The following MCC variants were observed in gnomAD, a reference collection of about 807,000 sequenced individuals.
MCC encodes MCC regulator of Wnt signaling pathway.
Under a neutral mutation model 116.2 loss-of-function variants are expected in MCC, and 90 were observed. That is an observed-to-expected ratio of 0.77 (90% CI 0.65 to 0.92). MCC has a LOEUF of 0.92. Among genes scored for constraint, MCC ranks in the 40% least tolerant of loss-of-function variants. The probability of loss-of-function intolerance (pLI) is 0.00; values close to 1 mark genes in which losing one functional copy is unlikely to be tolerated. For missense variants in MCC, 1,516 were observed against 1,312.2 expected (o/e 1.16, Z -2.40); for synonymous variants, 578 against 510.5 (o/e 1.13, Z -1.78).
intron 1 of MCC, among the ~76,000 whole-genome samples, chr5:113,401,012 G>A (rs1469944369): frequency 6.6e-6 from 1 of 152,220 alleles, no homozygotes; most frequent in African/African-American, 2.4e-5. Context: ...ATGTCTGAAA[G>A]ATATAGAAAG....
chr5:113,263,058 C>G, intron 3 of MCC, among the ~76,000 whole-genome samples: 1 of 152,156 alleles, frequency 6.6e-6, no homozygotes, highest in East Asian at 1.9e-4. Context: ...ACCCTACCAT[C>G]CTGGCAGAGA....
At chr5:113,418,683 C>T (rs1770228849) in intron 1 of MCC, among the ~76,000 whole-genome samples, 1 of 149,242 alleles carries the variant, frequency 6.7e-6, no homozygotes, top group African/African-American at 2.4e-5. Context: ...AAATCTTCAT[C>T]ATTATTATCA....
chr5:113,408,846 T>C (rs1012302475), intron 1 of MCC, among the ~76,000 whole-genome samples: 3 of 152,318 alleles, frequency 2.0e-5, no homozygotes, highest in African/African-American at 4.8e-5. Context: ...TGGATGAACA[T>C]GTACCAGGCT....
chr5:113,420,832 T>C (rs995663098), intron 1 of MCC, among the ~76,000 whole-genome samples: 4 of 152,190 alleles, frequency 2.6e-5, no homozygotes, highest in Admixed American at 6.5e-5. Context: ...ACTTTTTTCC[T>C]GCTTAACTGC....
At chr5:113,219,311 C>T (rs768579703) in intron 3 of MCC, among the ~76,000 whole-genome samples, 2 of 152,188 alleles carry the variant, frequency 1.3e-5, no homozygotes, top group African/African-American at 4.8e-5. Flanking sequence ...GGAAACGGCC[C>T]TTGGCAATGA....
intron 3 of MCC, among the ~76,000 whole-genome samples, chr5:113,219,366 T>C (rs1400707813): frequency 1.3e-5 from 2 of 152,238 alleles, no homozygotes; most frequent in East Asian, 3.8e-4. Flanking sequence ...CTGTGAGGAC[T>C]TCCAATAAAA....
intron 3 of MCC, among the ~76,000 whole-genome samples, chr5:113,183,141 C>A (rs1362633368): frequency 3.9e-5 from 6 of 152,220 alleles, no homozygotes; most frequent in African/African-American, 1.4e-4. Flanking sequence ...GCAGTGGGGG[C>A]TCCAGATCTC....
At chr5:113,112,021 A>G (rs548504720) in intron 6 of MCC, among the ~76,000 whole-genome samples, 49 of 152,340 alleles carry the variant, frequency 3.2e-4, no homozygotes, top group African/African-American at 1.2e-3. Flanking sequence ...TAACTCAAAT[A>G]AAGGGCAGCT....
intron 17 of MCC, among the ~76,000 whole-genome samples, chr5:113,031,183 G>C (rs899208607): frequency 6.6e-6 from 1 of 152,170 alleles, no homozygotes; most frequent in Admixed American, 6.5e-5. Flanking sequence ...GGAAGGGGCA[G>C]GATCTTTAAG....
At chr5:113,296,612 C>T (rs1434765314) in intron 3 of MCC, among the ~76,000 whole-genome samples, 1 of 152,098 alleles carries the variant, frequency 6.6e-6, no homozygotes, top group Non-Finnish European at 1.5e-5. Flanking sequence ...GCATTCCATT[C>T]TGGAGCATAA....
chr5:113,079,702 C>T (rs1251412696), intron 11 of MCC, among the ~76,000 whole-genome samples: 2 of 152,124 alleles, frequency 1.3e-5, no homozygotes, highest in South Asian at 2.1e-4. Context: ...AACCGTAAAA[C>T]CTCTAGAAGA....
At chr5:113,232,797 G>T (rs1252902261) in intron 3 of MCC, among the ~76,000 whole-genome samples, 4 of 152,258 alleles carry the variant, frequency 2.6e-5, no homozygotes, top group South Asian at 2.1e-4. Context: ...CATGTGCAGA[G>T]TGCTTTAAGG....
At chr5:113,260,760 C>T (rs1765193883) in intron 3 of MCC, among the ~76,000 whole-genome samples, 2 of 150,526 alleles carry the variant, frequency 1.3e-5, no homozygotes, top group South Asian at 2.1e-4. Context: ...TAGAAAATAT[C>T]CCCCGAAAAG....
intron 15 of MCC, among the ~76,000 whole-genome samples, chr5:113,051,670 G>T (rs1050673770): frequency 6.6e-6 from 1 of 152,204 alleles, no homozygotes; most frequent in Admixed American, 6.5e-5. Flanking sequence ...GCTATAGTGA[G>T]CCATGACTGT....
chr5:113,287,499 G>A (rs916227660), intron 3 of MCC, among the ~76,000 whole-genome samples: 2 of 152,022 alleles, frequency 1.3e-5, no homozygotes, highest in Admixed American at 1.3e-4. Flanking sequence ...GCTAACTTTT[G>A]TATTTTTAGT....
At chr5:113,128,017 T>C (rs567497480) in intron 5 of MCC, among the ~76,000 whole-genome samples, 7 of 152,344 alleles carry the variant, frequency 4.6e-5, no homozygotes, top group East Asian at 3.9e-4. Context: ...AGATATTTCA[T>C]TGTTTATTAA....
chr5:113,250,401 G>A (rs1764751279), intron 3 of MCC, among the ~76,000 whole-genome samples: 1 of 152,204 alleles, frequency 6.6e-6, no homozygotes, highest in African/African-American at 2.4e-5. Flanking sequence ...GGAAAAACTT[G>A]CTCAAAGGTC....
intron 1 of MCC, among the ~76,000 whole-genome samples, chr5:113,450,756 C>A (rs533159676): frequency 6.6e-6 from 1 of 152,190 alleles, no homozygotes; most frequent in Non-Finnish European, 1.5e-5. Context: ...GAAAGTGTCA[C>A]TCTCCAGAGG....
chr5:113,345,679 TAA>T (rs1398473047), intron 2 of MCC, among the ~76,000 whole-genome samples: 1 of 152,244 alleles, frequency 6.6e-6, no homozygotes, highest in Non-Finnish European at 1.5e-5. Flanking sequence ...GTGGTACCTC[TAA>T]GAGTCTGAAA....
Sources: gnomAD v4.1 joint callset for allele counts (sites outside exome capture counted in the v4.1 genomes callset) on GRCh38, gnomAD v4.1.1 for gene constraint, MANE v1.5 for transcripts, NCBI Gene and HGNC (gene_info 2026-07-23, HGNC 2026-07-21) for gene names.